Variants in DOCK2 observed in about 807,000 individuals in gnomAD.
DOCK2 encodes the protein dedicator of cytokinesis 2, also known as dedicator of cytokinesis protein 2.
DOCK2 carries 87 observed loss-of-function variants against 248.9 expected under a neutral mutation model. That is an observed-to-expected ratio of 0.35 (90% CI 0.29 to 0.42). The LOEUF (loss-of-function observed/expected upper bound fraction) is 0.42, where lower values mean the gene tolerates loss of function less well. Among genes scored for constraint, DOCK2 ranks in the 10% least tolerant of loss-of-function variants. The probability of loss-of-function intolerance (pLI) is 1.00; values close to 1 mark genes in which losing one functional copy is unlikely to be tolerated. For missense variants in DOCK2, 1,747 were observed against 2,300.2 expected (o/e 0.76, Z 4.92); for synonymous variants, 805 against 821.6 (o/e 0.98, Z 0.35).
At chr5:170,079,437 A>G (rs905139744) in intron 49 of DOCK2, 10 of 337,110 alleles carry the variant, frequency 3.0e-5, no homozygotes, top group Non-Finnish European at 4.6e-5. Flanking sequence ...GCTGGGGAGA[A>G]TCCACCTGTT....
intron 22 of DOCK2, among the ~76,000 whole-genome samples, chr5:169,726,336 C>A (rs1350007250): frequency 1.1e-4 from 17 of 152,084 alleles, no homozygotes; most frequent in Non-Finnish European, 1.5e-5. Flanking sequence ...ATACTTTGCC[C>A]ACTTTTTGAT....
chr5:169,676,248 T>G (rs1416610821), intron 6 of DOCK2, among the ~76,000 whole-genome samples: 4 of 152,122 alleles, frequency 2.6e-5, no homozygotes, highest in African/African-American at 9.7e-5. Context: ...GCTTCCCTCC[T>G]ATTGTGGAAG....
intron 44 of DOCK2, among the ~76,000 whole-genome samples, chr5:170,058,569 A>T (rs1011392503): frequency 4.6e-5 from 7 of 152,158 alleles, no homozygotes; most frequent in African/African-American, 1.7e-4. Context: ...CTGACATTGA[A>T]GAGAGAGACA....
chr5:169,769,717 C>T (rs927801888), intron 25 of DOCK2, among the ~76,000 whole-genome samples: 1 of 152,198 alleles, frequency 6.6e-6, no homozygotes, highest in African/African-American at 2.4e-5. Context: ...GCAGGTGGCC[C>T]TTGACCTCTC....
intron 28 of DOCK2, among the ~76,000 whole-genome samples, chr5:169,985,366 T>C (rs1581505698): frequency 1.3e-5 from 2 of 149,910 alleles, no homozygotes; most frequent in South Asian, 4.2e-4. Context: ...TGTGTGTGTG[T>C]GTGTGTGTGT....
intron 6 of DOCK2, among the ~76,000 whole-genome samples, chr5:169,676,623 A>G (rs758438134): frequency 4.6e-5 from 7 of 152,140 alleles, no homozygotes; most frequent in Non-Finnish European, 8.8e-5. Flanking sequence ...TGGGATGGGC[A>G]GCTTCCTCAA....
intron 25 of DOCK2, among the ~76,000 whole-genome samples, chr5:169,802,614 A>C (rs1042803536): frequency 6.6e-6 from 1 of 152,216 alleles, no homozygotes; most frequent in Non-Finnish European, 1.5e-5. Flanking sequence ...TAATATATAC[A>C]TCATGGTCCC....
Position 170,082,809 on chromosome 5 carries a change from C to T in DOCK2, c.5444C>T (p.Ser1815Leu), listed in dbSNP as rs749573495. 106 of 1,614,014 alleles carry T rather than the reference C, an allele frequency of 6.6e-5. No individual in the cohort carries two copies. Among genetic ancestry groups the T allele is most frequent in the Non-Finnish European group, 8.2e-5 (97 of 1,180,024 alleles). ...QFFKTMLASK[S>L]AEEGKQIPDS... ...TTCTCTCAAAAGCTGGCCAGCAAAT[C>T]GGCTGAAGAAGGCAAACAGATCCCA... is the stretch of plus-strand genomic sequence containing the variant. Residue 1815 changes from serine to leucine, a missense_variant, in exon 52 of 52, where the codon TCG becomes TTG. Ser to Leu is a moderately radical substitution (Grantham distance 145). Transcript: ENST00000520908.
chr5:169,705,838 T>G (rs1304589517), intron 14 of DOCK2, among the ~76,000 whole-genome samples: 1 of 152,200 alleles, frequency 6.6e-6, no homozygotes, highest in Non-Finnish European at 1.5e-5. Context: ...GCAGAGATGT[T>G]TCTTCTAAGG....
intron 1 of DOCK2, among the ~76,000 whole-genome samples, chr5:169,641,762 C>T (rs1002319196): frequency 2.0e-5 from 3 of 152,168 alleles, no homozygotes; most frequent in African/African-American, 7.2e-5. Flanking sequence ...ATTGTTCCTT[C>T]GTAACTGATA....
chr5:169,850,306 G>C (rs752311505), intron 27 of DOCK2, among the ~76,000 whole-genome samples: 2 of 152,192 alleles, frequency 1.3e-5, no homozygotes, highest in Non-Finnish European at 2.9e-5. Flanking sequence ...GCCTGGGAAG[G>C]AGGAAGCTAG....
At chr5:169,978,290 TTTTG>T (rs1373168990) in intron 27 of DOCK2, among the ~76,000 whole-genome samples, 1 of 149,802 alleles carries the variant, frequency 6.7e-6, no homozygotes, top group Non-Finnish European at 1.5e-5. Flanking sequence ...CTCGCCCCTA[TTTTG>T]TTTGTTTGTT....
chr5:169,684,393 G>A, intron 8 of DOCK2, 43 bp downstream of exon 8: 1 of 1,602,688 alleles, frequency 6.2e-7, no homozygotes, highest in Non-Finnish European at 8.5e-7. Context: ...ACTATGGGAA[G>A]CAGTGCACAG....
chr5:169,750,679 A>G (rs1007232117), intron 23 of DOCK2, among the ~76,000 whole-genome samples: 1 of 152,220 alleles, frequency 6.6e-6, no homozygotes, highest in Non-Finnish European at 1.5e-5. Context: ...CTCCAGAGAC[A>G]TAGAAAGGGG....
chr5:169,678,970 A>C (rs921764042), intron 6 of DOCK2, among the ~76,000 whole-genome samples: 1 of 152,142 alleles, frequency 6.6e-6, no homozygotes, highest in African/African-American at 2.4e-5. Flanking sequence ...AGAGGTTGAC[A>C]TGACCACGGA....
chr5:170,041,055 G>A lies in DOCK2; in HGVS notation c.3666G>A (p.Arg1222=), dbSNP rs763725648. 3.7e-6 allele frequency: 6 copies of A among 1,612,750 alleles called. No individual in the cohort carries two copies. The highest frequency in any genetic ancestry group is 1.1e-5 in the South Asian group (1 of 91,008). ...KDNNREEMYI[R]YLYKLRDLHL... is the part of the protein sequence containing the mutation. ...TTACTGCATATTTTCCCTCAAACAG[G>A]TACCTGTACAAACTCCGCGATCTTC... Residue 1222 remains arginine (R), a splice_region_variant and synonymous_variant, in exon 37 of 52, where the codon AGG becomes AGA. Coordinates refer to ENST00000520908, the MANE Select transcript of DOCK2 (RefSeq NM_004946.3).
chr5:169,783,646 A>G (rs1221573560), intron 25 of DOCK2, among the ~76,000 whole-genome samples: 1 of 152,168 alleles, frequency 6.6e-6, no homozygotes, highest in African/African-American at 2.4e-5. Flanking sequence ...TAAAAATAAA[A>G]AGTTGCTTAA....
At chr5:169,875,877 A>C (rs1403794449) in intron 27 of DOCK2, 2 of 152,430 alleles carry the variant, frequency 1.3e-5, no homozygotes, top group Non-Finnish European at 2.9e-5. Context: ...AATTATGAGG[A>C]TTTATTCTGA....
In DOCK2 at chr5:170,075,928, T is replaced by C; in HGVS notation, c.4729-19T>C. On this transcript the variant is annotated intron_variant, in intron 46 of 51. Transcript: ENST00000520908. ...CCACCGGTCAGCCTCTGGCTCATTC[T>C]TTACCACTTTCTCTCCAGATCCCCT... is the stretch of plus-strand genomic sequence containing the variant. 1 of 1,613,612 alleles carries C rather than the reference T, an allele frequency of 6.2e-7. No individual in the cohort carries two copies. Among genetic ancestry groups the C allele is most frequent in the South Asian group, 1.1e-5 (1 of 91,056 alleles).
Sources: allele counts gnomAD v4.1 joint callset (sites outside exome capture counted in the v4.1 genomes callset), GRCh38; gene constraint gnomAD v4.1.1; transcripts MANE v1.5; gene names NCBI Gene and HGNC (gene_info 2026-07-23, HGNC 2026-07-21).